Variants in ADAD1 observed in about 807,000 individuals in gnomAD.
ADAD1 encodes adenosine deaminase domain-containing protein 1.
A neutral mutation model predicts 66.8 loss-of-function variants in ADAD1; 46 were observed. The ratio of observed to expected loss-of-function variants is 0.69; its 90% CI spans 0.54 to 0.88. ADAD1 has a LOEUF of 0.88. Among genes scored for constraint, ADAD1 ranks in the 40% least tolerant of loss-of-function variants. ADAD1 has a pLI of 0.00. For missense variants in ADAD1, 617 were observed against 681.8 expected (o/e 0.91, Z 1.06); for synonymous variants, 248 against 229.4 (o/e 1.08, Z -0.73).
intron 7 of ADAD1, among the ~76,000 whole-genome samples, chr4:122,406,616 C>G (rs1292262160): frequency 3.3e-5 from 5 of 152,074 alleles, no homozygotes; most frequent in Non-Finnish European, 7.4e-5. Context: ...GGTAAAAATC[C>G]ATAAACTTCT....
intron 6 of ADAD1, 69 bp from the exon 7 acceptor site, chr4:122,396,183 A>G (rs999251550): frequency 1.0e-5 from 13 of 1,291,142 alleles, no homozygotes; most frequent in Non-Finnish European, 1.0e-5. Context: ...TAAGGTTATA[A>G]TAAGAATAAT....
intron 2 of ADAD1, chr4:122,379,761 C>T: frequency 4.4e-6 from 1 of 226,672 alleles, no homozygotes; most frequent in Non-Finnish European, 8.5e-6. Flanking sequence ...TTTTCCTGAC[C>T]TTGCTAATAT....
intron 3 of ADAD1, chr4:122,380,569 T>C (rs1794845188): frequency 6.2e-6 from 2 of 323,534 alleles, no homozygotes; most frequent in East Asian, 1.5e-4. Context: ...GTGTTAAGTA[T>C]AAAGCAGGGG....
intron 8 of ADAD1, 70 bp from the exon 9 acceptor site, chr4:122,411,152 G>A (rs1796447135): frequency 2.4e-6 from 3 of 1,239,888 alleles, no homozygotes; most frequent in African/African-American, 1.6e-5. Context: ...GACACATGTG[G>A]ACATGATGCT....
Position 122,393,595 on chromosome 4 carries a change from C to T in ADAD1, c.536C>T (p.Pro179Leu), listed in dbSNP as rs1248212922. ...EPRILETSGPPPFPAEPVVLS... is the reference protein window; with the variant it reads ...EPRILETSGPLPFPAEPVVLS... ...GTTTTTGTTTTGTTTACAGGTCCTC[C>T]TCCTTTCCCTGCAGAACCTGTTGTT... Residue 179 changes from proline (P) to leucine (L), a missense_variant, in exon 6 of 13, where the codon CCT (proline) becomes CTT (leucine). By Grantham distance (98) the Pro-to-Leu change is moderately conservative. Transcript: ENST00000296513. 6.3e-7 allele frequency: 1 copy of T among 1,595,084 alleles called. No individual in the cohort carries two copies. Among genetic ancestry groups the T allele is most frequent in the South Asian group, 1.2e-5 (1 of 86,956 alleles).
At chr4:122,413,692 C>G (rs1796575243) in intron 10 of ADAD1, among the ~76,000 whole-genome samples, 1 of 151,730 alleles carries the variant, frequency 6.6e-6, no homozygotes, top group Non-Finnish European at 1.5e-5. Context: ...TAAGAAGCAG[C>G]TGATAACCTT....
chr4:122,398,868 A>G (rs1795839328), intron 7 of ADAD1, among the ~76,000 whole-genome samples: 1 of 149,690 alleles, frequency 6.7e-6, no homozygotes, highest in South Asian at 2.1e-4. Flanking sequence ...GACTCTGGTT[A>G]TTAGTCCTTT....
intron 10 of ADAD1, among the ~76,000 whole-genome samples, chr4:122,414,268 T>G (rs1796613978): frequency 9.2e-6 from 1 of 108,900 alleles, no homozygotes; most frequent in African/African-American, 3.0e-5. Context: ...CCAAATGTCT[T>G]TTTTTTTGGG....
At chr4:122,401,173 T>C (rs1795960860) in intron 7 of ADAD1, among the ~76,000 whole-genome samples, 2 of 152,142 alleles carry the variant, frequency 1.3e-5, no homozygotes. Flanking sequence ...CCTTTTGCTG[T>C]ATCCCAGAGG....
chr4:122,395,331 G>A (rs1329110234), intron 6 of ADAD1, among the ~76,000 whole-genome samples: 4 of 152,170 alleles, frequency 2.6e-5, no homozygotes, highest in East Asian at 3.9e-4. Flanking sequence ...GATTACAGGT[G>A]TAAGCCACCG....
At chr4:122,398,172 T>A (rs907167095) in intron 7 of ADAD1, among the ~76,000 whole-genome samples, 1 of 150,910 alleles carries the variant, frequency 6.6e-6, no homozygotes, top group Non-Finnish European at 1.5e-5. Context: ...TGCCCCAGAG[T>A]CCATTATATC....
intron 12 of ADAD1, 140 bp downstream of exon 12, chr4:122,421,530 T>C: frequency 1.2e-6 from 1 of 820,166 alleles, no homozygotes; most frequent in African/African-American, 1.7e-5. Context: ...GTAAAATTGG[T>C]TTTTAAATGA....
At chr4:122,408,499 C>T (rs1796323160) in intron 8 of ADAD1, among the ~76,000 whole-genome samples, 1 of 152,180 alleles carries the variant, frequency 6.6e-6, no homozygotes. Context: ...TGGTCTTGAA[C>T]TCCTGATCTC....
intron 11 of ADAD1, 58 bp downstream of exon 11, chr4:122,415,674 T>A: frequency 7.0e-7 from 1 of 1,433,460 alleles, no homozygotes; most frequent in South Asian, 1.3e-5. Flanking sequence ...AGACATTTTA[T>A]TGCAGTTTTT....
chr4:122,421,369 T>C lies in ADAD1; in HGVS notation c.1596T>C (p.Ala532=). The C allele has an allele frequency of 1.3e-6, 2 of 1,598,714 alleles. No homozygotes were observed. Among genetic ancestry groups the C allele is most frequent in the Non-Finnish European group, 1.7e-6 (2 of 1,169,706 alleles). The change falls in exon 12 of 13, where the codon GCT becomes GCC. Residue 532 remains alanine (A), a synonymous_variant. Transcript: ENST00000296513. ...AAGCTAAAAAAGAATTACTTGAAGC[T>C]GGTACATATCATGCAGCTAAGGTAA... is the stretch of plus-strand genomic sequence containing the variant. The part of the protein sequence containing the change: ...AKEAKKELLE[A]GTYHAAKCMS...
intron 9 of ADAD1, among the ~76,000 whole-genome samples, 187 bp from the exon 10 acceptor site, chr4:122,412,393 G>A (rs1451348319): frequency 6.6e-6 from 1 of 151,952 alleles, no homozygotes; most frequent in African/African-American, 2.4e-5. Context: ...GTTCATTTCT[G>A]TTTTATAGTA....
intron 10 of ADAD1, 42 bp downstream of exon 10, chr4:122,412,851 A>T (rs750065401): frequency 1.3e-6 from 2 of 1,514,992 alleles, no homozygotes; most frequent in Non-Finnish European, 1.8e-6. Context: ...TCACTCACTA[A>T]GCAAATTCTC....
rs1412024069 is a variant in ADAD1 at position 122,415,585 on chromosome 4, G to A, written c.1456G>A (p.Val486Met). The change falls in exon 11 of 13, where the codon GTG becomes ATG. Residue 486 changes from valine to methionine, a missense_variant. Physicochemically the swap from Val to Met is conservative, Grantham distance 21. Coordinates refer to ENST00000296513, the MANE Select transcript of ADAD1 (RefSeq NM_139243.4). ...ACAAGGAGATGTTTCTTTGGAGATT[G>A]TGGATGGCCTGAGTGGGAAGATCAC... is the stretch of plus-strand genomic sequence containing the variant. Reference protein sequence around the residue: ...WAQGDVSLEIVDGLSGKITES... With the variant: ...WAQGDVSLEIMDGLSGKITES... The A allele has an allele frequency of 1.2e-6, 2 of 1,613,818 alleles. No homozygotes were observed. The highest frequency in any genetic ancestry group is 1.1e-5 in the South Asian group (1 of 91,062).
Position 122,411,250 on chromosome 4 carries a change from T to C in ADAD1, c.877T>C (p.Tyr293His), listed in dbSNP as rs1796451536. ...RYFYRQLLLF[Y>H]SKNPAMMEKS... ...CTTTTATAGACAACTTCTGCTCTTC[T>C]ACAGCAAAAATCCTGCTATGATGGA... Residue 293 changes from tyrosine to histidine, a missense_variant, in exon 9 of 13, where the codon TAC becomes CAC. Transcript: ENST00000296513. 2 of 1,607,600 alleles carry C rather than the reference T, an allele frequency of 1.2e-6. No individual in the cohort carries two copies. The highest frequency in any genetic ancestry group is 1.7e-6 in the Non-Finnish European group (2 of 1,178,292).
Sources: gnomAD v4.1 joint callset for allele counts (sites outside exome capture counted in the v4.1 genomes callset) on GRCh38, gnomAD v4.1.1 for gene constraint, MANE v1.5 for transcripts, NCBI Gene and HGNC (gene_info 2026-07-23, HGNC 2026-07-21) for gene names.